Variants in SHISA9 observed in about 807,000 individuals in gnomAD.
SHISA9 encodes the protein shisa family member 9.
A neutral mutation model predicts 38.0 loss-of-function variants in SHISA9; 13 were observed. The ratio of observed to expected loss-of-function variants is 0.34; its 90% confidence interval spans 0.22 to 0.54. SHISA9 has a LOEUF of 0.54. Among genes scored for constraint, SHISA9 ranks in the 20% least tolerant of loss-of-function variants. The pLI is 0.91. For synonymous variants in SHISA9, 275 were observed against 242.0 expected (o/e 1.14, Z -1.27); for missense variants, 538 against 575.8 (o/e 0.93, Z 0.67).
At chr16:13,232,481 T>A (rs1267651473) in intron 4 of SHISA9, among the ~76,000 whole-genome samples, 1 of 152,102 alleles carries the variant, frequency 6.6e-6, no homozygotes, top group Non-Finnish European at 1.5e-5. Flanking sequence ...ATGAAAAAGG[T>A]CAAACTCTGT....
At chr16:13,370,546 T>C in the SHISA9 span, among the ~76,000 whole-genome samples, 5 of 152,220 alleles carry the variant, frequency 3.3e-5, no homozygotes, top group Admixed American at 2.0e-4. Context: ...CATTGCTGAG[T>C]GGACCTTCTT....
chr16:13,221,522 C>T (rs1399894377), intron 4 of SHISA9, among the ~76,000 whole-genome samples: 3 of 151,132 alleles, frequency 2.0e-5, no homozygotes, highest in South Asian at 4.2e-4. Flanking sequence ...AAGCAGAGAC[C>T]GAGAAAACGG....
the SHISA9 span, among the ~76,000 whole-genome samples, chr16:13,355,513 G>C: frequency 6.6e-6 from 1 of 152,130 alleles, no homozygotes. Flanking sequence ...CAGGGAAGCA[G>C]ATAATTTAGT....
At chr16:13,141,350 G>A (rs2050400059) in intron 2 of SHISA9, among the ~76,000 whole-genome samples, 1 of 151,984 alleles carries the variant, frequency 6.6e-6, no homozygotes, top group Admixed American at 6.6e-5. Flanking sequence ...CAATCTCAAT[G>A]AACTAGAAAT....
At chr16:13,494,453 TAAAAC>T in the SHISA9 span, among the ~76,000 whole-genome samples, 1 of 151,986 alleles carries the variant, frequency 6.6e-6, no homozygotes, top group Admixed American at 6.6e-5. Context: ...AGGAAAAAAT[TAAAAC>T]AAAAAACCAA....
At chr16:13,144,372 C>G (rs939854611) in intron 2 of SHISA9, among the ~76,000 whole-genome samples, 1 of 151,928 alleles carries the variant, frequency 6.6e-6, no homozygotes, top group Non-Finnish European at 1.5e-5. Flanking sequence ...AGGATGGTCT[C>G]AATCTCTTGG....
At chr16:13,348,885 CTTG>C in the SHISA9 span, among the ~76,000 whole-genome samples, 1 of 152,050 alleles carries the variant, frequency 6.6e-6, no homozygotes, top group Non-Finnish European at 1.5e-5. Context: ...GCCTCACCAG[CTTG>C]TTTTCTCTTT....
chr16:13,038,132 G>A (rs1298814443), intron 2 of SHISA9, among the ~76,000 whole-genome samples: 1 of 152,174 alleles, frequency 6.6e-6, no homozygotes, highest in Non-Finnish European at 1.5e-5. Context: ...TGGGATTACA[G>A]GTGTGCACCA....
the SHISA9 span, among the ~76,000 whole-genome samples, chr16:13,367,095 C>G: frequency 4.0e-5 from 6 of 151,586 alleles, no homozygotes; most frequent in African/African-American, 1.5e-4. Flanking sequence ...AATCATTTGT[C>G]AAACCAGTAC....
chr16:13,414,072 C>T, the SHISA9 span, among the ~76,000 whole-genome samples: 2 of 152,182 alleles, frequency 1.3e-5, no homozygotes, highest in African/African-American at 4.8e-5. Context: ...TTCTGATGGT[C>T]TTTTCCCCAT....
At chr16:13,276,779 A>G in the SHISA9 span, among the ~76,000 whole-genome samples, 1 of 151,736 alleles carries the variant, frequency 6.6e-6, no homozygotes, top group African/African-American at 2.4e-5. Flanking sequence ...ATTTTGTCTT[A>G]CTGATTTGTT....
the SHISA9 span, among the ~76,000 whole-genome samples, chr16:13,433,085 C>A: frequency 6.8e-6 from 1 of 146,204 alleles, no homozygotes. Flanking sequence ...TTAAAAAATG[C>A]TATATTAAAG....
intron 2 of SHISA9, among the ~76,000 whole-genome samples, chr16:13,058,420 G>C (rs1235499904): frequency 6.6e-6 from 1 of 152,206 alleles, no homozygotes; most frequent in Non-Finnish European, 1.5e-5. Flanking sequence ...ATGTTGACAA[G>C]TAACTGCTAC....
At chr16:12,919,817 A>G (rs2071304860) in intron 2 of SHISA9, among the ~76,000 whole-genome samples, 1 of 152,192 alleles carries the variant, frequency 6.6e-6, no homozygotes, top group Non-Finnish European at 1.5e-5. Context: ...GCCTAAAAAT[A>G]TTTAGTCTGA....
chr16:13,288,431 G>A, the SHISA9 span, among the ~76,000 whole-genome samples: 1 of 151,978 alleles, frequency 6.6e-6, no homozygotes, highest in Admixed American at 6.6e-5. Flanking sequence ...GATAGGGATT[G>A]GGGGAGAGAG....
chr16:13,061,401 T>C (rs893009623), intron 2 of SHISA9, among the ~76,000 whole-genome samples: 4 of 152,230 alleles, frequency 2.6e-5, no homozygotes, highest in African/African-American at 9.6e-5. Flanking sequence ...TGGTTGTTAT[T>C]GTTGTTCAGG....
intron 1 of SHISA9, among the ~76,000 whole-genome samples, chr16:12,906,920 C>A (rs754518889): frequency 1.3e-5 from 2 of 152,166 alleles, no homozygotes; most frequent in Admixed American, 1.3e-4. Context: ...AAGGGCAAAA[C>A]TGGCCCCAGT....
At chr16:13,439,210 T>TCCAGGGG in the SHISA9 span, among the ~76,000 whole-genome samples, 1 of 152,182 alleles carries the variant, frequency 6.6e-6, no homozygotes, top group Admixed American at 6.5e-5. Context: ...GTGAGTAGTT[T>TCCAGGGG]CCAGGGGCCA....
chr16:13,311,444 C>T, the SHISA9 span, among the ~76,000 whole-genome samples: 3 of 151,936 alleles, frequency 2.0e-5, no homozygotes, highest in Non-Finnish European at 4.4e-5. Flanking sequence ...TACAAATATA[C>T]GTCTCAAGCC....
Sources: gnomAD v4.1 joint callset for allele counts (sites outside exome capture counted in the v4.1 genomes callset) on GRCh38, gnomAD v4.1.1 for gene constraint, MANE v1.5 for transcripts, NCBI Gene and HGNC (gene_info 2026-07-23, HGNC 2026-07-21) for gene names.